LARGE1: variants seen among roughly 807,000 people sequenced by gnomAD.
LARGE1 encodes the protein LARGE xylosyl- and glucuronyltransferase 1.
Under a neutral mutation model 87.6 loss-of-function variants are expected in LARGE1, and 43 were observed. The observed-to-expected ratio is 0.49, with a 90% CI of 0.38 to 0.63. The LOEUF is 0.63. Among genes scored for constraint, LARGE1 ranks in the 30% least tolerant of loss-of-function variants. The pLI, the probability that LARGE1 is intolerant of heterozygous loss-of-function variation, is 0.00. For synonymous variants in LARGE1, 434 were observed against 394.6 expected, an observed-to-expected ratio of 1.10 and a Z score of -1.18; for missense variants, 802 against 1,000.2, an observed-to-expected ratio of 0.80 and a Z score of 2.67.
chr22:33,141,194 T>TCTCTCTCTCACA, the LARGE1 span, among the ~76,000 whole-genome samples: 1 of 141,738 alleles, frequency 7.1e-6, no homozygotes, highest in African/African-American at 2.7e-5. Context: ...TCTCTCTCTC[T>TCTCTCTCTCACA]CACACACACA....
the LARGE1 span, among the ~76,000 whole-genome samples, chr22:33,147,383 T>C: frequency 6.6e-6 from 1 of 152,180 alleles, no homozygotes; most frequent in Non-Finnish European, 1.5e-5. Flanking sequence ...ATGAGTGATC[T>C]AGTTGGGCCT....
chr22:33,234,696 C>G (rs1926168643), intron 11 of LARGE1, among the ~76,000 whole-genome samples: 1 of 152,056 alleles, frequency 6.6e-6, no homozygotes, highest in Admixed American at 6.5e-5. Context: ...CATGAGCCAC[C>G]ATGCCCAGCT....
chr22:33,722,597 AGAATT>A (rs1007602401), intron 2 of LARGE1, among the ~76,000 whole-genome samples: 6 of 152,210 alleles, frequency 3.9e-5, no homozygotes, highest in Non-Finnish European at 7.3e-5. Flanking sequence ...TCCTGCCCTT[AGAATT>A]GAATGAACAC....
intron 3 of LARGE1, among the ~76,000 whole-genome samples, chr22:33,635,915 C>T (rs773370571): frequency 3.3e-5 from 5 of 152,190 alleles, no homozygotes; most frequent in Non-Finnish European, 7.3e-5. Flanking sequence ...GATGCACCAC[C>T]TGGCTTTGTA....
chr22:33,140,428 C>T, the LARGE1 span, among the ~76,000 whole-genome samples: 1 of 152,262 alleles, frequency 6.6e-6, no homozygotes, highest in East Asian at 1.9e-4. Flanking sequence ...TCAACTTGAT[C>T]GAAGGATACA....
At chr22:33,648,293 A>G (rs956033369) in intron 3 of LARGE1, among the ~76,000 whole-genome samples, 2 of 152,238 alleles carry the variant, frequency 1.3e-5, no homozygotes, top group Non-Finnish European at 2.9e-5. Context: ...GGCTAGAGAG[A>G]TTACAGAAGG....
At chr22:33,283,612 T>C (rs916058441) in intron 12 of LARGE1, among the ~76,000 whole-genome samples, 6 of 151,970 alleles carry the variant, frequency 3.9e-5, no homozygotes, top group East Asian at 3.9e-4. Flanking sequence ...CCGTTTCCAC[T>C]AAAAATACAA....
At chr22:33,827,659 T>G (rs2062839698) in intron 1 of LARGE1, among the ~76,000 whole-genome samples, 1 of 152,162 alleles carries the variant, frequency 6.6e-6, no homozygotes, top group African/African-American at 2.4e-5. Flanking sequence ...AGGCATCACA[T>G]CAGGGCTGTT....
chr22:33,164,650 T>C (rs1381594177), exon 12 of LARGE1: 4 of 152,218 alleles, frequency 2.6e-5, no homozygotes, highest in African/African-American at 9.6e-5. Context: ...CCCAAGTAGC[T>C]GGGATTACAG....
At chr22:33,783,996 T>C (rs1455223934) in intron 1 of LARGE1, among the ~76,000 whole-genome samples, 1 of 152,176 alleles carries the variant, frequency 6.6e-6, no homozygotes, top group Non-Finnish European at 1.5e-5. Flanking sequence ...AATCTCTCTC[T>C]TTCTTTTTTC....
intron 1 of LARGE1, among the ~76,000 whole-genome samples, chr22:33,772,205 C>T (rs2085091969): frequency 6.6e-6 from 1 of 152,066 alleles, no homozygotes; most frequent in South Asian, 2.1e-4. Flanking sequence ...TGGTGGCGGG[C>T]ACCTGTAGTC....
At chr22:33,089,345 C>T in the LARGE1 span, among the ~76,000 whole-genome samples, 5 of 77,260 alleles carry the variant, frequency 6.5e-5, no homozygotes, top group African/African-American at 2.8e-4. Flanking sequence ...TCTTCTTCTT[C>T]TTCTTCTTCT....
the LARGE1 span, among the ~76,000 whole-genome samples, chr22:33,129,347 G>A: frequency 9.2e-5 from 14 of 151,988 alleles, no homozygotes; most frequent in Non-Finnish European, 1.6e-4. Context: ...TGTATACTCT[G>A]ATGCATTTTC....
chr22:33,238,970 A>C (rs1417486504), intron 11 of LARGE1, among the ~76,000 whole-genome samples: 3 of 152,108 alleles, frequency 2.0e-5, no homozygotes, highest in Non-Finnish European at 4.4e-5. Flanking sequence ...GCAATAATAA[A>C]AGTAAGAGTC....
At chr22:33,434,871 T>C (rs1416397986) in intron 6 of LARGE1, among the ~76,000 whole-genome samples, 1 of 152,168 alleles carries the variant, frequency 6.6e-6, no homozygotes, top group African/African-American at 2.4e-5. Context: ...CACAATCCTT[T>C]CAAGGTCCAT....
At chr22:33,579,803 C>A (rs886653755) in intron 5 of LARGE1, among the ~76,000 whole-genome samples, 5 of 152,134 alleles carry the variant, frequency 3.3e-5, no homozygotes, top group African/African-American at 1.2e-4. Context: ...TGCAATCAAG[C>A]CTGAGGTACA....
chr22:33,557,490 C>T (rs895313228), intron 6 of LARGE1, among the ~76,000 whole-genome samples: 2 of 152,114 alleles, frequency 1.3e-5, no homozygotes, highest in East Asian at 3.9e-4. Context: ...AGCTAGAGGA[C>T]GTTAAAGACC....
intron 1 of LARGE1, among the ~76,000 whole-genome samples, chr22:33,826,984 G>C (rs1024207187): frequency 2.6e-5 from 4 of 152,136 alleles, no homozygotes; most frequent in African/African-American, 9.7e-5. Context: ...GTCTGGGATG[G>C]AGGCAATTCA....
chr22:33,404,838 G>A (rs1428489445), intron 7 of LARGE1, among the ~76,000 whole-genome samples: 5 of 152,190 alleles, frequency 3.3e-5, no homozygotes, highest in African/African-American at 1.2e-4. Context: ...ACTGAGTACA[G>A]GGTGAACTTT....
Sources: allele counts gnomAD v4.1 joint callset (sites outside exome capture counted in the v4.1 genomes callset), GRCh38; gene constraint gnomAD v4.1.1; transcripts MANE v1.5; gene names NCBI Gene and HGNC (gene_info 2026-07-23, HGNC 2026-07-21).